RANBP2: variants seen among roughly 807,000 people sequenced by gnomAD.
RANBP2 encodes the protein E3 SUMO-protein ligase RanBP2.
A neutral mutation model predicts 303.6 loss-of-function variants in RANBP2; 57 were observed. The observed-to-expected ratio is 0.19, with a 90% CI of 0.15 to 0.23. RANBP2 has a LOEUF of 0.23. Among genes scored for constraint, RANBP2 ranks in the 10% least tolerant of loss-of-function variants. The pLI, the probability that RANBP2 is intolerant of heterozygous loss-of-function variation, is 1.00. For missense variants in RANBP2, 3,138 were observed against 3,780.8 expected, an observed-to-expected ratio of 0.83 and a Z score of 4.46; for synonymous variants, 1,167 against 1,301.5, an observed-to-expected ratio of 0.90 and a Z score of 2.23.
the RANBP2 span, among the ~76,000 whole-genome samples, chr2:109,052,934 G>T: frequency 5.3e-5 from 8 of 152,234 alleles, no homozygotes; most frequent in African/African-American, 1.9e-4. Flanking sequence ...CTCTATGTTT[G>T]TCCTTAAGCC....
chr2:109,513,059 C>T, the RANBP2 span, among the ~76,000 whole-genome samples: 3 of 152,200 alleles, frequency 2.0e-5, no homozygotes, highest in African/African-American at 4.8e-5. Flanking sequence ...AAGGAGCCAG[C>T]GGACGGATGT....
chr2:109,129,459 C>T, the RANBP2 span: 2 of 1,495,354 alleles, frequency 1.3e-6, no homozygotes, highest in Admixed American at 2.1e-5. Flanking sequence ...CTCCCCAGTC[C>T]TGATGCTGGC....
At chr2:109,349,120 C>G in the RANBP2 span, among the ~76,000 whole-genome samples, 1 of 152,136 alleles carries the variant, frequency 6.6e-6, no homozygotes, top group Non-Finnish European at 1.5e-5. Flanking sequence ...TCCTTCCTGC[C>G]TCTGAGAGGC....
At chr2:108,819,039 A>G in the RANBP2 span, among the ~76,000 whole-genome samples, 2 of 152,250 alleles carry the variant, frequency 1.3e-5, no homozygotes, top group Non-Finnish European at 2.9e-5. Context: ...ACTATGTGTT[A>G]CAAGTAAAGA....
the RANBP2 span, among the ~76,000 whole-genome samples, chr2:108,863,654 T>G: frequency 6.6e-6 from 1 of 152,234 alleles, no homozygotes; most frequent in South Asian, 2.1e-4. Context: ...TAACCTTTGT[T>G]TTTAATTATT....
At chr2:109,075,579 C>CAAAAAA in the RANBP2 span, among the ~76,000 whole-genome samples, 30 of 109,662 alleles carry the variant, frequency 2.7e-4, no homozygotes, top group East Asian at 1.6e-3. Flanking sequence ...CTTAGACAAA[C>CAAAAAA]AAAAAAAAAA....
downstream of RANBP2, among the ~76,000 whole-genome samples, chr2:108,790,501 G>C (rs1679729363): frequency 6.6e-6 from 1 of 152,268 alleles, no homozygotes; most frequent in African/African-American, 2.4e-5. Context: ...GAGATATGCT[G>C]TAAGTGTCAT....
the RANBP2 span, chr2:108,912,694 G>A: frequency 2.5e-6 from 4 of 1,597,856 alleles, no homozygotes; most frequent in Admixed American, 3.4e-5. Flanking sequence ...GGGCGTGCTG[G>A]AAGGGAGACA....
At chr2:109,382,793 T>C in the RANBP2 span, among the ~76,000 whole-genome samples, 1 of 152,340 alleles carries the variant, frequency 6.6e-6, no homozygotes, top group South Asian at 2.1e-4. Flanking sequence ...AATTTGAAGT[T>C]AGCACCCCCA....
At chr2:109,391,801 C>T in the RANBP2 span, among the ~76,000 whole-genome samples, 1 of 152,110 alleles carries the variant, frequency 6.6e-6, no homozygotes, top group Non-Finnish European at 1.5e-5. Flanking sequence ...TTTGCCTGAC[C>T]CACTTTTCAT....
At chr2:109,683,755 C>A in the RANBP2 span, among the ~76,000 whole-genome samples, 9 of 152,272 alleles carry the variant, frequency 5.9e-5, 1 homozygote, top group South Asian at 1.2e-3. Flanking sequence ...CTCCACCCGA[C>A]CTTTTGTGAC....
At chr2:109,099,962 T>C in the RANBP2 span, among the ~76,000 whole-genome samples, 1 of 152,212 alleles carries the variant, frequency 6.6e-6, no homozygotes, top group African/African-American at 2.4e-5. Context: ...TCAAATCTGA[T>C]AATGTTTGTG....
the RANBP2 span, chr2:109,546,359 C>A: frequency 1.9e-6 from 1 of 530,974 alleles, no homozygotes; most frequent in Non-Finnish European, 3.1e-6. Flanking sequence ...CAGTCAAAAT[C>A]TTTCTGAAGT....
At chr2:109,415,326 AAAT>A in the RANBP2 span, among the ~76,000 whole-genome samples, 1 of 152,240 alleles carries the variant, frequency 6.6e-6, no homozygotes, top group South Asian at 2.1e-4. Context: ...CCTGAGTTCA[AAAT>A]AATAAGCAGG....
the RANBP2 span, among the ~76,000 whole-genome samples, chr2:108,804,156 T>C: frequency 6.6e-6 from 1 of 152,160 alleles, no homozygotes; most frequent in Non-Finnish European, 1.5e-5. Context: ...ATATCACTAC[T>C]TGGAAGAAGG....
the RANBP2 span, among the ~76,000 whole-genome samples, chr2:109,077,858 G>A: frequency 2.7e-5 from 4 of 149,116 alleles, no homozygotes; most frequent in African/African-American, 7.3e-5. Context: ...CACTGTTCAT[G>A]GGAATGCAAA....
At chr2:108,861,890 A>G in the RANBP2 span, among the ~76,000 whole-genome samples, 1 of 152,022 alleles carries the variant, frequency 6.6e-6, no homozygotes, top group Non-Finnish European at 1.5e-5. Flanking sequence ...TTGGTATGTT[A>G]TATCTTGATT....
intron 7 of RANBP2, among the ~76,000 whole-genome samples, chr2:108,742,346 C>A (rs1558890466): frequency 1.3e-5 from 2 of 151,894 alleles, no homozygotes; most frequent in Non-Finnish European, 2.9e-5. Context: ...GCTCTGTCAC[C>A]AGGCTGGAGT....
At chr2:109,726,271 G>A in the RANBP2 span, among the ~76,000 whole-genome samples, 1 of 151,944 alleles carries the variant, frequency 6.6e-6, no homozygotes, top group East Asian at 2.0e-4. Context: ...AGCGGGGTGT[G>A]GTGGCTTGCA....
Sources: allele counts gnomAD v4.1 joint callset (sites outside exome capture counted in the v4.1 genomes callset), GRCh38; gene constraint gnomAD v4.1.1; transcripts MANE v1.5; gene names NCBI Gene and HGNC (gene_info 2026-07-23, HGNC 2026-07-21).